TWF1: variants seen among roughly 807,000 people sequenced by gnomAD.
TWF1 encodes the protein twinfilin actin binding protein 1, also known as twinfilin-1.
Under a neutral mutation model 47.9 loss-of-function variants are expected in TWF1, and 14 were observed. The observed-to-expected ratio is 0.29, with a 90% CI of 0.19 to 0.46. TWF1 has a LOEUF of 0.46. TWF1 is among the 20% of genes least tolerant of loss of function. TWF1 has a pLI of 1.00. For missense variants in TWF1, 281 were observed against 409.3 expected (o/e 0.69, Z 2.70); for synonymous variants, 96 against 139.2 (o/e 0.69, Z 2.18).
At chr12:43,804,174 A>G in intron 2 of TWF1, 1 of 404,836 alleles carries the variant, frequency 2.5e-6, no homozygotes, top group South Asian at 1.9e-5. Flanking sequence ...TTTGATAATC[A>G]CCTGTTTAGT....
intron 2 of TWF1, among the ~76,000 whole-genome samples, chr12:43,803,049 T>TG: frequency 6.6e-6 from 1 of 152,258 alleles, no homozygotes; most frequent in South Asian, 2.1e-4. Flanking sequence ...AATACAAAGG[T>TG]GTTCACTGCA....
At chr12:43,801,177 C>A (rs1942654680) in intron 3 of TWF1, among the ~76,000 whole-genome samples, 1 of 152,110 alleles carries the variant, frequency 6.6e-6, no homozygotes, top group Admixed American at 6.5e-5. Context: ...TGACATTCTT[C>A]TCAAAGCTGT....
Position 43,793,811 on chromosome 12 carries a change from T to C in TWF1, c.*1774A>G, listed in dbSNP as rs1942505148. On this transcript the variant is annotated 3_prime_UTR_variant, in exon 9 of 9. Transcript: ENST00000395510. ...GTAATTCTTCACTGCTATATAAATT[T>C]ACTGGGAATATGTTATTCACCATCT... The C allele has an allele frequency of 6.6e-6, 1 of 152,638 alleles. No individual in the cohort carries two copies. Among genetic ancestry groups the C allele is most frequent in the South Asian group, 2.1e-4 (1 of 4,832 alleles). The allele number at this position is 152,638 out of a possible 1,614,324, so 9.5% of individuals were successfully genotyped here.
chr12:43,803,588 CTAGT>C (rs1942702328), intron 2 of TWF1, among the ~76,000 whole-genome samples: 1 of 152,026 alleles, frequency 6.6e-6, no homozygotes, highest in Admixed American at 6.5e-5. Context: ...CGTAGAGATG[CTAGT>C]TAGATTAACT....
intron 3 of TWF1, among the ~76,000 whole-genome samples, chr12:43,802,070 A>T (rs759126676): frequency 6.6e-6 from 1 of 152,176 alleles, no homozygotes; most frequent in Non-Finnish European, 1.5e-5. Flanking sequence ...AAATTTTTAA[A>T]TCTTAAATCA....
At chr12:43,806,103 G>A (rs1394226016) in intron 1 of TWF1, 118 bp downstream of exon 1, 14 of 1,522,236 alleles carry the variant, frequency 9.2e-6, no homozygotes, top group Non-Finnish European at 1.1e-5. Context: ...GGCTCGCCCC[G>A]CGAGACCGAC....
rs542741276 is a variant in TWF1 at position 43,802,406 on chromosome 12, A to C, written c.162T>G (p.Asp54Glu). Residue 54 changes from aspartate to glutamate, a missense_variant, in exon 3 of 9, where the codon GAT becomes GAG. Physicochemically the swap from Asp to Glu is conservative, Grantham distance 45. Coordinates refer to ENST00000395510, the MANE Select transcript of TWF1 (RefSeq NM_002822.5). ...QPSDSWDKDY[D>E]SFVLPLLEDK... ...CCTCCAACAGGGGTAAAACAAAGGA[A>C]TCATAATCCTTATCCCAGGAATCTG... is the stretch of plus-strand genomic sequence containing the variant. The C allele has an allele frequency of 6.2e-7, 1 of 1,605,850 alleles. No homozygotes were observed. The highest frequency in any genetic ancestry group is 1.1e-5 in the South Asian group (1 of 89,132).
chr12:43,805,128 T>C (rs1238498478), intron 1 of TWF1, among the ~76,000 whole-genome samples: 2 of 152,238 alleles, frequency 1.3e-5, no homozygotes, highest in African/African-American at 4.8e-5. Flanking sequence ...TGAATAAATA[T>C]GTATTTAATA....
chr12:43,804,432 A>C, intron 2 of TWF1, 63 bp downstream of exon 2: 2 of 1,008,202 alleles, frequency 2.0e-6, no homozygotes, highest in Non-Finnish European at 3.1e-6. Context: ...AACACACAGT[A>C]AGTTTAAAAA....
chr12:43,797,773 T>C lies in TWF1; in HGVS notation c.544A>G (p.Ile182Val). Residue 182 changes from isoleucine (I) to valine (V), a missense_variant, in exon 6 of 9, where the codon ATT becomes GTT. Coordinates refer to ENST00000395510, the MANE Select transcript of TWF1 (RefSeq NM_002822.5). ...HQTLQGVAFP[I>V]SREAFQALEK... ...AAAGCCTGAAAGGCTTCTCGAGAAA[T>C]GGGAAATGCTACTCCTTGTAGTGTT... 6.2e-7 allele frequency: 1 copy of C among 1,613,510 alleles called. No individual in the cohort carries two copies. The highest frequency in any genetic ancestry group is 8.5e-7 in the Non-Finnish European group (1 of 1,179,550).
At chr12:43,804,617 A>C (rs1278830053) in intron 1 of TWF1, 45 bp from the exon 2 acceptor site, 1 of 1,337,668 alleles carries the variant, frequency 7.5e-7, no homozygotes. Flanking sequence ...ACTTACATAT[A>C]AATACTTTCC....
Position 43,795,886 on chromosome 12 carries a change from T to C in TWF1, c.883-131A>G, listed in dbSNP as rs1389808133. 10 of 789,520 alleles carry C rather than the reference T, an allele frequency of 1.3e-5. No homozygotes were observed. The East Asian group carries it at 2.4e-4, about 19-fold the overall frequency. The allele number at this position is 789,520 out of a possible 1,614,324, so 48.9% of individuals were successfully genotyped here. ...AGAATCAAGGACCATATGTAAACAG[T>C]TTCACTTTCTTCTTTTGGGGGAAGG... On this transcript the variant is annotated intron_variant, in intron 8 of 8. Transcript: ENST00000395510.
intron 2 of TWF1, among the ~76,000 whole-genome samples, chr12:43,803,388 A>G (rs1942698173): frequency 6.6e-6 from 1 of 152,180 alleles, no homozygotes; most frequent in South Asian, 2.1e-4. Flanking sequence ...CTCTTATACC[A>G]GAAAAACACT....
chr12:43,802,115 C>T (rs1455264711), intron 3 of TWF1, among the ~76,000 whole-genome samples, 171 bp downstream of exon 3: 2 of 152,156 alleles, frequency 1.3e-5, no homozygotes, highest in East Asian at 1.9e-4. Context: ...GCAAAACTCC[C>T]GAATCTAAGC....
In TWF1 at chr12:43,795,456, G is replaced by A; in HGVS notation, c.*129C>T. The A allele has an allele frequency of 2.6e-6, 2 of 756,660 alleles. No homozygotes were observed. Among genetic ancestry groups the A allele is most frequent in the East Asian group, 2.7e-5 (1 of 37,340 alleles). The allele number at this position is 756,660 out of a possible 1,614,324, so 46.9% of individuals were successfully genotyped here. On this transcript the variant is annotated 3_prime_UTR_variant, in exon 9 of 9. Transcript: ENST00000395510. ...ATTAATTTTAAAAACACACAGAAGT[G>A]AAAAGTGCTATTTTCCAAAAAGTAC...
Position 43,798,505 on chromosome 12 carries a change from T to G in TWF1, c.484-672A>C. ...TTACTTTTAAAAAAATGAATGGAGA[T>G]TCTACAGCATAAATGATATTGGTTA... is the stretch of plus-strand genomic sequence containing the variant. On this transcript the variant is annotated intron_variant, in intron 5 of 8. Coordinates refer to ENST00000395510, the MANE Select transcript of TWF1 (RefSeq NM_002822.5). 3 of 1,435,858 alleles carry G rather than the reference T, an allele frequency of 2.1e-6. No individual in the cohort carries two copies. In the East Asian group the frequency reaches 7.9e-5, roughly 38 times the overall value. 88.9% of individuals were successfully genotyped at this position (1,435,858 alleles called of 1,614,324 possible).
At chr12:43,806,089 G>T in intron 1 of TWF1, 132 bp downstream of exon 1, 1 of 1,519,156 alleles carries the variant, frequency 6.6e-7, no homozygotes, top group Non-Finnish European at 8.8e-7. Flanking sequence ...AGGCGCCGAG[G>T]CCCGGCTCGC....
intron 1 of TWF1, chr12:43,805,764 G>A: frequency 1.5e-6 from 2 of 1,338,420 alleles, no homozygotes; most frequent in South Asian, 1.1e-5. Flanking sequence ...GAAAGATTCT[G>A]GCATGGTTCT....
At chr12:43,804,241 CTGAGACACAAAA>C in intron 2 of TWF1, 1 of 491,248 alleles carries the variant, frequency 2.0e-6, no homozygotes, top group Admixed American at 2.5e-5. Flanking sequence ...GGTGCAGAAA[CTGAGACACAAAA>C]AGTAAAAGAG....
Sources: gnomAD v4.1 joint callset for allele counts (sites outside exome capture counted in the v4.1 genomes callset) on GRCh38, gnomAD v4.1.1 for gene constraint, MANE v1.5 for transcripts, NCBI Gene and HGNC (gene_info 2026-07-23, HGNC 2026-07-21) for gene names.